ZNF816: variants seen among roughly 807,000 people sequenced by gnomAD.
ZNF816 encodes zinc finger protein 816A.
Under a neutral mutation model 8.3 loss-of-function variants are expected in ZNF816, and 11 were observed. That is an observed-to-expected ratio of 1.32 (90% CI 0.83 to 2.19). The LOEUF is 2.19. Among genes scored for constraint, ZNF816 ranks in the 30% most tolerant of loss-of-function variants. The probability of loss-of-function intolerance (pLI) is 0.00; values close to 1 mark genes in which losing one functional copy is unlikely to be tolerated. For missense variants in ZNF816, 710 were observed against 779.3 expected, an observed-to-expected ratio of 0.91 and a Z score of 1.06; for synonymous variants, 255 against 254.5, an observed-to-expected ratio of 1.00 and a Z score of -0.02.
In ZNF816 at chr19:52,949,912, G is replaced by A; in HGVS notation, c.1863C>T (p.Tyr621=). 1 of 1,613,858 alleles carries A rather than the reference G, an allele frequency of 6.2e-7. No homozygotes were observed. The highest frequency in any genetic ancestry group is 8.5e-7 in the Non-Finnish European group (1 of 1,179,850). The part of the protein sequence containing the change: ...HQRVHTAEKP[Y]KCNECGKAFT... ...AGGCTTTGCCACACTCATTACACTT[G>A]TAAGGTTTCTCTGCAGTATGAACTC... Residue 621 remains tyrosine (Y), a synonymous_variant, in exon 4 of 4, where the codon TAC becomes TAT. Transcript: ENST00000444460.
intron 2 of ZNF816, among the ~76,000 whole-genome samples, chr19:52,954,865 A>G (rs1433325087): frequency 6.6e-6 from 1 of 151,594 alleles, no homozygotes; most frequent in African/African-American, 2.4e-5. Context: ...CTAAAATCTC[A>G]TAACGGTATA....
rs73584441 is a variant in ZNF816 at position 52,958,442 on chromosome 19, C to T, written c.-15-2338G>A. Among the ~76,000 whole-genome samples, 240 of 152,212 alleles carry T rather than the reference C, an allele frequency of 1.6e-3. 1 individual carries two copies. The highest frequency in any genetic ancestry group is 5.1e-3 in the African/African-American group (211 of 41,524). On this transcript the variant is annotated intron_variant, in intron 1 of 3. Transcript: ENST00000444460. ...TGTCACTGCTCAGTACTCTTGGACC[C>T]GGCTTCTGCAAGGGTTCAAGAACTC...
At chr19:52,952,110 C>G (rs2083465320) in intron 3 of ZNF816, among the ~76,000 whole-genome samples, 1 of 151,976 alleles carries the variant, frequency 6.6e-6, no homozygotes, top group Admixed American at 6.6e-5. Context: ...GTGGCTCACG[C>G]CTGTAATCCC....
Position 52,950,368 on chromosome 19 carries a change from T to C in ZNF816, c.1407A>G (p.Gln469=), listed in dbSNP as rs757141977. ...CTCCAGTGTGAAGTGTATGATGGTA[T>C]TGAAGGGATGACTTCCGACTGAAAC... ...GRSFSRKSSL[Q]YHHTLHTGEK... Residue 469 remains glutamine, a synonymous_variant, in exon 4 of 4, where the codon CAA becomes CAG. Transcript: ENST00000444460. 9.9e-6 allele frequency: 16 copies of C among 1,613,742 alleles called. No individual in the cohort carries two copies. The highest frequency in any genetic ancestry group is 1.2e-5 in the Non-Finnish European group (14 of 1,179,918).
intron 1 of ZNF816, among the ~76,000 whole-genome samples, chr19:52,962,024 T>G (rs1427803513): frequency 1.3e-5 from 2 of 152,128 alleles, no homozygotes; most frequent in Non-Finnish European, 2.9e-5. Context: ...AGGACAGAAG[T>G]TGTATACAAC....
At chr19:52,952,257 T>G (rs907980450) in intron 3 of ZNF816, among the ~76,000 whole-genome samples, 5 of 151,916 alleles carry the variant, frequency 3.3e-5, no homozygotes, top group Non-Finnish European at 2.9e-5. Flanking sequence ...TAATTCCAGT[T>G]AGGTTGAGAG....
rs1401659661 is a variant in ZNF816 at position 52,953,534 on chromosome 19, A to T, written c.64-657T>A. The T allele has an allele frequency of 1.7e-4, 9 of 52,676 alleles. No homozygotes were observed. The African/African-American group carries it at 2.1e-3, about 12-fold the overall frequency. 3.3% of individuals were successfully genotyped at this position (52,676 alleles called of 1,614,324 possible). A position where few individuals can be genotyped will look rare whatever the true frequency, so the allele number is the denominator to read the frequency against. On this transcript the variant is annotated intron_variant, in intron 2 of 3. Transcript: ENST00000444460. ...TATATAATATATATTTATAATATAT[A>T]ATATATAATACAATATTATATATAA...
chr19:52,961,617 A>C (rs537181667), intron 1 of ZNF816, among the ~76,000 whole-genome samples: 2 of 152,336 alleles, frequency 1.3e-5, no homozygotes, highest in Non-Finnish European at 1.5e-5. Flanking sequence ...CTGACGGTCA[A>C]TAGGACAAGG....
chr19:52,955,937 T>C, intron 2 of ZNF816, 90 bp downstream of exon 2: 7 of 1,505,010 alleles, frequency 4.7e-6, no homozygotes, highest in Non-Finnish European at 6.3e-6. Flanking sequence ...TGATGTAGAA[T>C]GCTTCACACT....
In ZNF816 at chr19:52,950,358, TATG is replaced by T; in HGVS notation, c.1414_1416del (p.His472del). 1 of 1,613,866 alleles carries T rather than the reference TATG, an allele frequency of 6.2e-7. No individual in the cohort carries two copies. Among genetic ancestry groups the T allele is most frequent in the Non-Finnish European group, 8.5e-7 (1 of 1,179,934 alleles). On this transcript the variant is annotated inframe_deletion, in exon 4 of 4. Coordinates refer to ENST00000444460, the MANE Select transcript of ZNF816 (RefSeq NM_001202457.3). ...TAAGGTTTCTCTCCAGTGTGAAGTGTATGATGGTATTGAAGGGATGACTTCCGA... is the reference window on the plus strand; with the variant it reads ...TAAGGTTTCTCTCCAGTGTGAAGTGTATGGTATTGAAGGGATGACTTCCGA...
At chr19:52,961,674 C>A (rs987411857) in intron 1 of ZNF816, among the ~76,000 whole-genome samples, 17 of 152,186 alleles carry the variant, frequency 1.1e-4, no homozygotes, top group African/African-American at 4.1e-4. Flanking sequence ...GTCCCCAGGC[C>A]CTTTCCCAAA....
Position 52,950,275 on chromosome 19 carries a change from A to G in ZNF816, c.1500T>C (p.His500=). The change falls in exon 4 of 4, where the codon CAT becomes CAC. Residue 500 remains histidine, a synonymous_variant. Transcript: ENST00000444460. Reference sequence around the variant, plus strand: ...AAGGTTTCTCTCCAGCATGAAGTCTATGATGACGTGCAAGGTTTTCTCTTC... The same window carrying G: ...AAGGTTTCTCTCCAGCATGAAGTCTGTGATGACGTGCAAGGTTTTCTCTTC... The part of the protein sequence containing the change: ...FSRRENLARH[H]RLHAGEKPYK... The G allele has an allele frequency of 1.9e-6, 3 of 1,613,010 alleles. No individual in the cohort carries two copies. The highest frequency in any genetic ancestry group is 2.5e-6 in the Non-Finnish European group (3 of 1,179,730).
rs555433912 is a variant in ZNF816, at chr19:52,955,789, A to G, written c.63+238T>C. Among the ~76,000 whole-genome samples the G allele has an allele frequency of 6.6e-5, 10 of 152,138 alleles. No individual in the cohort carries two copies. The Middle Eastern group carries it at 0.014, about 207-fold the overall frequency. On this transcript the variant is annotated intron_variant, in intron 2 of 3. Transcript: ENST00000444460. ...TGGGGCCCACACCCCATCTCCATCC[A>G]TGTCTGGTGTGAGCCCTTCCCAGGA... is the stretch of plus-strand genomic sequence containing the variant.
At chr19:52,951,619 A>G (rs1232943849) in intron 3 of ZNF816, 35 bp from the exon 4 acceptor site, 1 of 1,488,974 alleles carries the variant, frequency 6.7e-7, no homozygotes. Context: ...TTTCCAATTA[A>G]GTACAGATGG....
chr19:52,962,373 G>T (rs543475166), intron 1 of ZNF816, among the ~76,000 whole-genome samples: 2 of 152,274 alleles, frequency 1.3e-5, no homozygotes, highest in South Asian at 4.1e-4. Context: ...TAGTAACAAA[G>T]GATCAAAGGG....
At position 52,956,210 on chromosome 19, in the gene ZNF816, T is replaced by G. The variant is rs60238739; in HGVS notation, c.-15-106A>C. ...ACCTCACCCGAGAGAAAGATGGTCC[T>G]TTGCTACCCACTGCACCAGAGACCA... On this transcript the variant is annotated intron_variant, in intron 1 of 3. Transcript: ENST00000444460. 738 of 1,280,982 alleles carry G rather than the reference T, an allele frequency of 5.8e-4. 9 individuals are homozygous for G. In the African/African-American group the frequency reaches 0.01, roughly 17 times the overall value. 79.4% of individuals were successfully genotyped at this position (1,280,982 alleles called of 1,614,324 possible).
chr19:52,953,469 TTATA>T (rs1310706855), intron 2 of ZNF816: 1 of 137,162 alleles, frequency 7.3e-6, no homozygotes, highest in Admixed American at 8.0e-5. Context: ...CTTATATATA[TTATA>T]TATAAATATA....
At position 52,949,750 on chromosome 19, in the gene ZNF816, C is replaced by T. The variant is rs1470168343; in HGVS notation, c.*69G>A. The T allele has an allele frequency of 5.0e-6, 8 of 1,608,118 alleles. No individual in the cohort carries two copies. The East Asian group carries it at 1.8e-4, about 36-fold the overall frequency. ...TGCCACATTTATTACACTTGTAGAT[C>T]TCTCTTCAATATGGATTCTGTAATG... is the stretch of plus-strand genomic sequence containing the variant. On this transcript the variant is annotated 3_prime_UTR_variant, in exon 4 of 4. Coordinates refer to ENST00000444460, the MANE Select transcript of ZNF816 (RefSeq NM_001202457.3).
chr19:52,956,230 A>G, intron 1 of ZNF816, 126 bp from the exon 2 acceptor site: 1 of 1,043,466 alleles, frequency 9.6e-7, no homozygotes, highest in Non-Finnish European at 1.4e-6. Context: ...ACTGCACCAG[A>G]GACCATGCAG....
Sources: gnomAD v4.1 joint callset for allele counts (sites outside exome capture counted in the v4.1 genomes callset) on GRCh38, gnomAD v4.1.1 for gene constraint, MANE v1.5 for transcripts, NCBI Gene and HGNC (gene_info 2026-07-23, HGNC 2026-07-21) for gene names.